GABRG3: variants seen among roughly 807,000 people sequenced by gnomAD.
GABRG3 encodes the protein gamma-aminobutyric acid type A receptor subunit gamma3.
Under a neutral mutation model 48.8 loss-of-function variants are expected in GABRG3, and 25 were observed. The observed-to-expected ratio is 0.51, with a 90% CI of 0.37 to 0.72. The LOEUF (loss-of-function observed/expected upper bound fraction) is 0.72. Ranked by LOEUF, GABRG3 falls within the 30% of genes least tolerant of loss-of-function variation. GABRG3 has a pLI of 0.00. For synonymous variants in GABRG3, 227 were observed against 217.6 expected (o/e 1.04, Z -0.38); for missense variants, 394 against 577.9 (o/e 0.68, Z 3.26).
intron 3 of GABRG3, among the ~76,000 whole-genome samples, chr15:27,309,915 A>G (rs1892937983): frequency 6.6e-6 from 1 of 152,112 alleles, no homozygotes; most frequent in Non-Finnish European, 1.5e-5. Flanking sequence ...AATACCACCC[A>G]AATGTCCTTA....
intron 3 of GABRG3, among the ~76,000 whole-genome samples, chr15:27,242,216 G>C (rs1019118212): frequency 6.6e-6 from 1 of 152,200 alleles, no homozygotes; most frequent in Non-Finnish European, 1.5e-5. Context: ...GCTCAGATGT[G>C]TGGCTGCACC....
intron 3 of GABRG3, among the ~76,000 whole-genome samples, chr15:27,170,052 T>C (rs189164224): frequency 2.6e-5 from 4 of 152,300 alleles, no homozygotes; most frequent in African/African-American, 7.2e-5. Context: ...ACTAGCAGAA[T>C]TGCATTACAA....
At chr15:27,455,972 G>C (rs1462663105) in intron 5 of GABRG3, among the ~76,000 whole-genome samples, 2 of 152,162 alleles carry the variant, frequency 1.3e-5, no homozygotes, top group African/African-American at 4.8e-5. Flanking sequence ...ACATGAATTT[G>C]AGAAGCCTGT....
chr15:27,430,989 CAATAAATAAATA>C (rs61461156), intron 5 of GABRG3, among the ~76,000 whole-genome samples: 6,854 of 141,164 alleles, frequency 0.049, 515 homozygotes, highest in African/African-American at 0.17. Context: ...GTCCCTGTCT[CAATAAATAAATA>C]AATAAATAAA....
chr15:27,347,475 C>A (rs1318462657), intron 5 of GABRG3, among the ~76,000 whole-genome samples: 2 of 152,112 alleles, frequency 1.3e-5, no homozygotes, highest in South Asian at 4.2e-4. Flanking sequence ...GCTTACTATG[C>A]CCACTCCCTT....
At chr15:27,449,698 C>A (rs999036837) in intron 5 of GABRG3, among the ~76,000 whole-genome samples, 30 of 152,144 alleles carry the variant, frequency 2.0e-4, no homozygotes, top group African/African-American at 7.2e-4. Flanking sequence ...GAAAAGTTAT[C>A]CACATGTACT....
At chr15:27,177,390 A>G (rs1887781437) in intron 3 of GABRG3, among the ~76,000 whole-genome samples, 1 of 152,234 alleles carries the variant, frequency 6.6e-6, no homozygotes, top group Admixed American at 6.5e-5. Flanking sequence ...GTGGTAAGCA[A>G]TTATAGAATA....
chr15:27,296,331 G>C (rs1016227634), intron 3 of GABRG3, among the ~76,000 whole-genome samples: 2 of 152,068 alleles, frequency 1.3e-5, no homozygotes, highest in African/African-American at 4.8e-5. Flanking sequence ...ATTGTGTTAT[G>C]GTTATAACAT....
At chr15:27,238,453 G>A (rs1890041672) in intron 3 of GABRG3, among the ~76,000 whole-genome samples, 2 of 152,242 alleles carry the variant, frequency 1.3e-5, no homozygotes, top group Non-Finnish European at 2.9e-5. Flanking sequence ...GGAGGCCACC[G>A]CGGGAGGCCC....
At chr15:27,089,616 G>A (rs747186941) in intron 3 of GABRG3, among the ~76,000 whole-genome samples, 8 of 152,164 alleles carry the variant, frequency 5.3e-5, no homozygotes, top group African/African-American at 9.7e-5. Context: ...CAGGGTAGGC[G>A]GGGGAGAGAG....
chr15:27,019,811 A>C (rs1171328631), intron 2 of GABRG3, among the ~76,000 whole-genome samples: 2 of 152,162 alleles, frequency 1.3e-5, no homozygotes, highest in Non-Finnish European at 2.9e-5. Context: ...CGTTGGGGGC[A>C]TGAGAGTTAA....
chr15:27,007,211 T>G (rs1021524981), intron 2 of GABRG3, among the ~76,000 whole-genome samples: 1 of 151,954 alleles, frequency 6.6e-6, no homozygotes, highest in Non-Finnish European at 1.5e-5. Flanking sequence ...TCTTGAGTAG[T>G]TGGGACCACA....
At chr15:27,200,992 C>T (rs1459822621) in intron 3 of GABRG3, among the ~76,000 whole-genome samples, 1 of 152,146 alleles carries the variant, frequency 6.6e-6, no homozygotes, top group Non-Finnish European at 1.5e-5. Context: ...TGTACAGATA[C>T]TCAGCCTTCT....
chr15:27,345,704 A>G (rs143456374), intron 5 of GABRG3, among the ~76,000 whole-genome samples: 44 of 152,330 alleles, frequency 2.9e-4, no homozygotes, highest in African/African-American at 9.6e-4. Flanking sequence ...AAATTCTTTT[A>G]ACATTTCTTG....
intron 5 of GABRG3, among the ~76,000 whole-genome samples, chr15:27,355,204 C>A (rs115482165): frequency 2.2e-3 from 342 of 152,216 alleles, no homozygotes; most frequent in African/African-American, 7.8e-3. Flanking sequence ...TCTGTAACCT[C>A]AAATGGATCT....
chr15:27,320,009 C>T (rs1893365898), intron 3 of GABRG3, among the ~76,000 whole-genome samples: 1 of 152,096 alleles, frequency 6.6e-6, no homozygotes, highest in Non-Finnish European at 1.5e-5. Flanking sequence ...GCACCTGCTT[C>T]CACCAGGGGG....
At chr15:27,374,138 CTTTTTTT>C (rs201839822) in intron 5 of GABRG3, among the ~76,000 whole-genome samples, 9 of 91,636 alleles carry the variant, frequency 9.8e-5, no homozygotes, top group South Asian at 3.7e-4. Flanking sequence ...TTCTTTTCTT[CTTTTTTT>C]TTTTTTTTTT....
intron 3 of GABRG3, among the ~76,000 whole-genome samples, chr15:27,172,034 C>T (rs959860633): frequency 6.6e-6 from 1 of 152,072 alleles, no homozygotes; most frequent in South Asian, 2.1e-4. Context: ...TAATCAGGAG[C>T]TCGCTCTTGT....
intron 3 of GABRG3, among the ~76,000 whole-genome samples, chr15:27,312,062 G>T (rs777846169): frequency 6.6e-6 from 1 of 151,932 alleles, no homozygotes; most frequent in African/African-American, 2.4e-5. Context: ...TGCTCACCAG[G>T]GTAAGGAGAA....
Sources: allele counts gnomAD v4.1 joint callset (sites outside exome capture counted in the v4.1 genomes callset), GRCh38; gene constraint gnomAD v4.1.1; transcripts MANE v1.5; gene names NCBI Gene and HGNC (gene_info 2026-07-23, HGNC 2026-07-21).